ZNF804A: variants seen among roughly 807,000 people sequenced by gnomAD.
ZNF804A encodes zinc finger protein 804A.
In ZNF804A, 2 loss-of-function variants were observed where a neutral mutation model predicts 16.5. The observed-to-expected ratio is 0.12, with a 90% CI of 0.05 to 0.38. The LOEUF (loss-of-function observed/expected upper bound fraction) is 0.38, where lower values mean the gene tolerates loss of function less well. ZNF804A is among the 10% of genes least tolerant of loss of function. The probability of loss-of-function intolerance (pLI) is 0.99; values close to 1 mark genes in which losing one functional copy is unlikely to be tolerated. For synonymous variants in ZNF804A, 534 were observed against 489.6 expected, an observed-to-expected ratio of 1.09 and a Z score of -1.20; for missense variants, 1,473 against 1,390.7, an observed-to-expected ratio of 1.06 and a Z score of -0.94.
intron 2 of ZNF804A, among the ~76,000 whole-genome samples, chr2:184,909,465 A>G (rs1483059336): frequency 6.6e-6 from 1 of 152,090 alleles, no homozygotes; most frequent in Non-Finnish European, 1.5e-5. Flanking sequence ...TGCATTCTAA[A>G]GATATCTACC....
intron 1 of ZNF804A, among the ~76,000 whole-genome samples, chr2:184,736,889 C>G (rs1574187773): frequency 6.7e-6 from 1 of 149,708 alleles, no homozygotes; most frequent in African/African-American, 2.5e-5. Flanking sequence ...AAAGCACTGG[C>G]CAGGACTTCC....
At chr2:184,620,307 A>G (rs1691397153) in intron 1 of ZNF804A, among the ~76,000 whole-genome samples, 1 of 151,832 alleles carries the variant, frequency 6.6e-6, no homozygotes, top group Admixed American at 6.6e-5. Flanking sequence ...ATAAGAGTTA[A>G]AATATATTGC....
intron 2 of ZNF804A, among the ~76,000 whole-genome samples, chr2:184,928,740 G>C (rs1035090524): frequency 6.6e-6 from 1 of 152,120 alleles, no homozygotes; most frequent in Non-Finnish European, 1.5e-5. Flanking sequence ...CTCTGGCTAG[G>C]GCTGGTTTAA....
At chr2:184,895,296 T>C (rs897190337) in intron 2 of ZNF804A, among the ~76,000 whole-genome samples, 6 of 152,036 alleles carry the variant, frequency 3.9e-5, no homozygotes, top group Non-Finnish European at 8.8e-5. Flanking sequence ...TTTATTTCTA[T>C]GTATTTTGGA....
At chr2:184,670,162 T>G (rs1471498955) in intron 1 of ZNF804A, among the ~76,000 whole-genome samples, 1 of 152,088 alleles carries the variant, frequency 6.6e-6, no homozygotes, top group African/African-American at 2.4e-5. Flanking sequence ...TGCTATTCCT[T>G]TCTATATAAA....
At chr2:184,685,327 C>T (rs934810266) in intron 1 of ZNF804A, among the ~76,000 whole-genome samples, 3 of 152,022 alleles carry the variant, frequency 2.0e-5, no homozygotes, top group Admixed American at 1.3e-4. Context: ...GTGTCACAGC[C>T]GTGGCTCAGA....
chr2:184,926,209 C>A (rs1038583595), intron 2 of ZNF804A, among the ~76,000 whole-genome samples: 7 of 151,946 alleles, frequency 4.6e-5, no homozygotes, highest in African/African-American at 1.7e-4. Context: ...AACCCCTCAG[C>A]TTTTGATTGG....
chr2:184,821,285 A>T (rs886884461), intron 1 of ZNF804A, among the ~76,000 whole-genome samples: 1 of 152,158 alleles, frequency 6.6e-6, no homozygotes, highest in Admixed American at 6.6e-5. Flanking sequence ...CTGAGCTGTG[A>T]CAAACCTGAC....
intron 1 of ZNF804A, among the ~76,000 whole-genome samples, chr2:184,733,060 A>T (rs747179040): frequency 3.3e-5 from 5 of 152,088 alleles, no homozygotes; most frequent in African/African-American, 1.2e-4. Flanking sequence ...TTCCAATATG[A>T]TATAGAAAAG....
intron 2 of ZNF804A, among the ~76,000 whole-genome samples, chr2:184,888,684 AG>A (rs1684935298): frequency 6.6e-6 from 1 of 152,284 alleles, no homozygotes; most frequent in East Asian, 1.9e-4. Flanking sequence ...AAAAGAGAAC[AG>A]AGTTTCAGGC....
At chr2:184,679,672 CT>C (rs1692505073) in intron 1 of ZNF804A, among the ~76,000 whole-genome samples, 1 of 152,194 alleles carries the variant, frequency 6.6e-6, no homozygotes. Context: ...TCAGTGTGCA[CT>C]CACTTGGGGC....
intron 2 of ZNF804A, among the ~76,000 whole-genome samples, chr2:184,885,343 A>G (rs1481187332): frequency 1.3e-5 from 2 of 152,238 alleles, no homozygotes; most frequent in African/African-American, 2.4e-5. Flanking sequence ...TATTGGGTAT[A>G]CACTCAAAGG....
intron 1 of ZNF804A, among the ~76,000 whole-genome samples, chr2:184,768,827 G>A (rs1011907202): frequency 6.6e-6 from 1 of 151,882 alleles, no homozygotes; most frequent in Admixed American, 6.6e-5. Flanking sequence ...CTGACATTTT[G>A]TACAAATTAA....
chr2:184,661,267 A>C (rs1002544170), intron 1 of ZNF804A, among the ~76,000 whole-genome samples: 7 of 152,152 alleles, frequency 4.6e-5, no homozygotes, highest in African/African-American at 1.7e-4. Context: ...GGAGTGTCAC[A>C]GCTCTTTTTC....
intron 2 of ZNF804A, among the ~76,000 whole-genome samples, chr2:184,877,197 A>G (rs1365425160): frequency 6.6e-6 from 1 of 152,124 alleles, no homozygotes; most frequent in Non-Finnish European, 1.5e-5. Flanking sequence ...CACTTTTTAA[A>G]TGACCATCCT....
chr2:184,899,860 G>A (rs776684610), intron 2 of ZNF804A, among the ~76,000 whole-genome samples: 27 of 151,686 alleles, frequency 1.8e-4, no homozygotes, highest in Non-Finnish European at 2.2e-4. Flanking sequence ...TTAGATTGTC[G>A]TTTTTCTAAT....
chr2:184,906,129 C>T (rs977569984), intron 2 of ZNF804A, among the ~76,000 whole-genome samples: 7 of 152,138 alleles, frequency 4.6e-5, no homozygotes, highest in Admixed American at 4.6e-4. Context: ...TGTTATCAGA[C>T]ATTTTCAAGT....
intron 1 of ZNF804A, among the ~76,000 whole-genome samples, chr2:184,718,042 T>C (rs1559133994): frequency 6.6e-6 from 1 of 152,126 alleles, no homozygotes; most frequent in Non-Finnish European, 1.5e-5. Context: ...AAGATATACC[T>C]GGGACTGAGC....
chr2:184,928,099 C>T (rs928166864), intron 2 of ZNF804A, among the ~76,000 whole-genome samples: 31 of 152,052 alleles, frequency 2.0e-4, no homozygotes, highest in African/African-American at 7.5e-4. Context: ...TCACTGGGAG[C>T]CAGGAAGTCA....
Sources: allele counts gnomAD v4.1 joint callset (sites outside exome capture counted in the v4.1 genomes callset), GRCh38; gene constraint gnomAD v4.1.1; transcripts MANE v1.5; gene names NCBI Gene and HGNC (gene_info 2026-07-23, HGNC 2026-07-21).